Variants in TMED3 observed in about 807,000 individuals in gnomAD.
TMED3 encodes transmembrane emp24 domain-containing protein 3.
In TMED3, 9 loss-of-function variants were observed where a neutral mutation model predicts 15.0. The observed-to-expected ratio is 0.60, with a 90% CI of 0.36 to 1.04. The LOEUF (loss-of-function observed/expected upper bound fraction) is 1.04, where lower values mean the gene tolerates loss of function less well. TMED3 is among the 50% of genes least tolerant of loss of function. TMED3 has a pLI of 0.01. For synonymous variants in TMED3, 117 were observed against 121.4 expected (o/e 0.96, Z 0.24); for missense variants, 267 against 278.9 (o/e 0.96, Z 0.30).
At chr15:79,406,405 G>A (rs1233900764) in intron 2 of TMED3, among the ~76,000 whole-genome samples, 2 of 152,194 alleles carry the variant, frequency 1.3e-5, no homozygotes, top group Non-Finnish European at 2.9e-5. Flanking sequence ...CCCACTGTGA[G>A]AGAATTTGGG....
intron 2 of TMED3, among the ~76,000 whole-genome samples, chr15:79,368,303 A>G (rs1405852577): frequency 6.6e-6 from 1 of 152,094 alleles, no homozygotes; most frequent in Non-Finnish European, 1.5e-5. Flanking sequence ...TTTTTTGATC[A>G]TAATTCCCAA....
chr15:79,332,616 G>A (rs979109798), intron 2 of TMED3, among the ~76,000 whole-genome samples: 1 of 152,216 alleles, frequency 6.6e-6, no homozygotes, highest in Admixed American at 6.5e-5. Flanking sequence ...CTGGGGCAAG[G>A]CGGGCTGCTT....
chr15:79,351,756 GA>G (rs1358571935), intron 2 of TMED3, among the ~76,000 whole-genome samples: 2 of 152,194 alleles, frequency 1.3e-5, no homozygotes, highest in East Asian at 1.9e-4. Context: ...GTCATTATAT[GA>G]AAAAGATACT....
intron 2 of TMED3, among the ~76,000 whole-genome samples, chr15:79,318,789 C>T (rs2058751565): frequency 6.6e-6 from 1 of 152,212 alleles, no homozygotes; most frequent in African/African-American, 2.4e-5. Flanking sequence ...GGAGCAACCA[C>T]AAATGCGACC....
chr15:79,406,242 G>A (rs1366189197), intron 2 of TMED3, among the ~76,000 whole-genome samples: 1 of 152,190 alleles, frequency 6.6e-6, no homozygotes, highest in Non-Finnish European at 1.5e-5. Context: ...GGGGTGAGGG[G>A]CTGTTTCTTG....
chr15:79,375,575 G>A (rs773520907), intron 2 of TMED3, among the ~76,000 whole-genome samples: 2 of 152,276 alleles, frequency 1.3e-5, no homozygotes, highest in Non-Finnish European at 1.5e-5. Flanking sequence ...ATTCATGGTG[G>A]AAGGCAAAGT....
At chr15:79,354,634 A>G (rs1290115487) in intron 2 of TMED3, among the ~76,000 whole-genome samples, 2 of 152,160 alleles carry the variant, frequency 1.3e-5, no homozygotes, top group Admixed American at 6.6e-5. Flanking sequence ...AAAAAAAAAA[A>G]AAAAGAAAAA....
intron 2 of TMED3, among the ~76,000 whole-genome samples, chr15:79,393,328 C>T (rs1406658215): frequency 6.6e-6 from 1 of 152,166 alleles, no homozygotes; most frequent in Non-Finnish European, 1.5e-5. Flanking sequence ...ACAATAAAAA[C>T]TGAGTAGCTA....
At chr15:79,397,826 C>T (rs1893780830) in intron 2 of TMED3, among the ~76,000 whole-genome samples, 1 of 152,064 alleles carries the variant, frequency 6.6e-6, no homozygotes, top group Non-Finnish European at 1.5e-5. Flanking sequence ...TTTAATAGAG[C>T]CAATTTTTTA....
chr15:79,318,552 G>A (rs901581269), intron 2 of TMED3, among the ~76,000 whole-genome samples: 6 of 152,150 alleles, frequency 3.9e-5, no homozygotes, highest in African/African-American at 1.4e-4. Context: ...AATACAGAAC[G>A]GATTTGTGTT....
downstream of TMED3, among the ~76,000 whole-genome samples, chr15:79,325,445 G>A (rs1273026458): frequency 6.6e-6 from 1 of 152,108 alleles, no homozygotes; most frequent in South Asian, 2.1e-4. Flanking sequence ...GTGGGGAGGT[G>A]ATGTTTTCTT....
chr15:79,329,388 T>C (rs774744620), intron 2 of TMED3, among the ~76,000 whole-genome samples: 1 of 152,248 alleles, frequency 6.6e-6, no homozygotes, highest in Non-Finnish European at 1.5e-5. Flanking sequence ...TGGTCAGGAA[T>C]AGGCAGAGGC....
intron 2 of TMED3, among the ~76,000 whole-genome samples, chr15:79,392,965 T>G (rs1198885934): frequency 6.6e-6 from 1 of 152,202 alleles, no homozygotes; most frequent in East Asian, 1.9e-4. Context: ...TCCTTCTGGC[T>G]TCAGGGATCC....
At chr15:79,364,366 T>C (rs1042422177) in intron 2 of TMED3, among the ~76,000 whole-genome samples, 1 of 151,950 alleles carries the variant, frequency 6.6e-6, no homozygotes, top group South Asian at 2.1e-4. Flanking sequence ...AGGTCGGAGG[T>C]TCTCCGGGGG....
chr15:79,411,259 G>A (rs1451874525), intron 2 of TMED3: 5 of 555,050 alleles, frequency 9.0e-6, no homozygotes, highest in South Asian at 2.2e-5. Flanking sequence ...GATAATTAGA[G>A]CCAGCAATAA....
intron 2 of TMED3, among the ~76,000 whole-genome samples, chr15:79,328,364 C>CT (rs5813965): frequency 0.57 from 86,607 of 151,652 alleles, 24,936 homozygotes; most frequent in Middle Eastern, 0.69. Context: ...CCCCATTTTC[C>CT]TTTAATTTAT....
At chr15:79,386,934 C>CT (rs372149513) in intron 2 of TMED3, among the ~76,000 whole-genome samples, 13,580 of 137,308 alleles carry the variant, frequency 0.099, 793 homozygotes, top group Middle Eastern at 0.21. Flanking sequence ...ATCTTTTAAT[C>CT]TTTTTTTTTT....
intron 2 of TMED3, among the ~76,000 whole-genome samples, chr15:79,380,401 CAAAT>C (rs1003358484): frequency 7.8e-6 from 1 of 128,902 alleles, no homozygotes; most frequent in Non-Finnish European, 1.7e-5. Flanking sequence ...AAGAGAGTCT[CAAAT>C]ATATATATAG....
chr15:79,359,552 A>G (rs1200021310), intron 2 of TMED3, among the ~76,000 whole-genome samples: 3 of 152,134 alleles, frequency 2.0e-5, no homozygotes, highest in African/African-American at 7.2e-5. Flanking sequence ...GGCTCCTTAT[A>G]TAGAAAAATC....
Sources: gnomAD v4.1 joint callset for allele counts (sites outside exome capture counted in the v4.1 genomes callset) on GRCh38, gnomAD v4.1.1 for gene constraint, MANE v1.5 for transcripts, NCBI Gene and HGNC (gene_info 2026-07-23, HGNC 2026-07-21) for gene names.